The following C1RL variants were observed in gnomAD, a reference collection of about 807,000 sequenced individuals.
C1RL encodes the protein complement C1r subcomponent-like protein.
A neutral mutation model predicts 27.9 loss-of-function variants in C1RL; 27 were observed. The ratio of observed to expected loss-of-function variants is 0.97; its 90% CI spans 0.71 to 1.33. C1RL has a LOEUF of 1.33. C1RL is among the 40% of genes most tolerant of loss of function. The pLI is 0.00. For missense variants in C1RL, 563 were observed against 623.9 expected, an observed-to-expected ratio of 0.90 and a Z score of 1.04; for synonymous variants, 248 against 252.1, an observed-to-expected ratio of 0.98 and a Z score of 0.15.
In C1RL at chr12:7,106,937, G is replaced by A. The variant is rs182273419; in HGVS notation, c.300+1314C>T. ...TGGCAGAATGAGGAGGGGAAATGTG[G>A]GTGGTGAAGACTGAAGACAGATAAA... On this transcript the variant is annotated intron_variant, in intron 2 of 5. Transcript: ENST00000266542. 9.6e-4 allele frequency among the ~76,000 whole-genome samples: 146 copies of A among 152,262 alleles called. 5 individuals are homozygous for A. The highest frequency in any genetic ancestry group is 3.4e-3 in the Middle Eastern group (1 of 294).
Position 7,095,583 on chromosome 12 carries a change from C to G in C1RL, c.*808G>C. ...TTAGGAAAGTGTGAGCTAGAGGATA[C>G]CATTTTCGCAGAAGCAGGAATTCCC... On this transcript the variant is annotated 3_prime_UTR_variant, in exon 6 of 6. Coordinates refer to ENST00000266542, the MANE Select transcript of C1RL (RefSeq NM_016546.4). 1.0e-6 allele frequency: 1 copy of G among 985,758 alleles called. No individual in the cohort carries two copies. Among genetic ancestry groups the G allele is most frequent in the Non-Finnish European group, 1.2e-6 (1 of 830,194 alleles). 61.1% of individuals were successfully genotyped at this position (985,758 alleles called of 1,614,324 possible).
At chr12:7,108,956 A>G (rs993800616) in intron 1 of C1RL, 154 bp downstream of exon 1, 2 of 491,998 alleles carry the variant, frequency 4.1e-6, no homozygotes, top group Non-Finnish European at 7.4e-6. Context: ...TGGTGTGTGT[A>G]TGTGGGGGAG....
Position 7,109,126 on chromosome 12 carries a change from CT to C in C1RL, c.54del (p.Gly19AlafsTer34). 6.3e-7 allele frequency: 1 copy of C among 1,596,066 alleles called. No homozygotes were observed. The highest frequency in any genetic ancestry group is 1.7e-5 in the Admixed American group (1 of 57,760). ...GKYLWRSPHSKGCPGAMWWLL... is the reference protein window; with the variant it reads ...GKYLWRSPHSXGCPGAMWWLL... Reference sequence around the variant, plus strand: ...CACACTCACATTGCGCCTGGACAGCCTTTGGAGTGAGGGCTTCTCCAGAGAT... The same window carrying C: ...CACACTCACATTGCGCCTGGACAGCCTTGGAGTGAGGGCTTCTCCAGAGAT... On this transcript the variant is annotated frameshift_variant, in exon 1 of 6. Coordinates refer to ENST00000266542, the MANE Select transcript of C1RL (RefSeq NM_016546.4). LOFTEE classifies it high-confidence loss of function.
At chr12:7,097,714 G>A (rs1278038749) in intron 5 of C1RL, among the ~76,000 whole-genome samples, 1 of 152,208 alleles carries the variant, frequency 6.6e-6, no homozygotes, top group African/African-American at 2.4e-5. Flanking sequence ...AGGGTAGGGA[G>A]CACAGATGAG....
At chr12:7,108,052 A>C (rs1316794607) in intron 2 of C1RL, 199 bp downstream of exon 2, 18 of 464,324 alleles carry the variant, frequency 3.9e-5, no homozygotes, top group Non-Finnish European at 5.7e-5. Context: ...TGTGGGGCCC[A>C]GATGGCAGCC....
At position 7,102,085 on chromosome 12, in the gene C1RL, G is replaced by C; in HGVS notation, c.303C>G (p.Ile101Met). Residue 101 changes from isoleucine (I) to methionine (M), a missense_variant and splice_region_variant, in exon 3 of 6, where the codon ATC becomes ATG. By Grantham distance (10) the Ile-to-Met change is conservative (BLOSUM62 1). Transcript: ENST00000266542. ...GGCTTGGATCCGAACCGACGAATGA[G>C]ATCTGAAAGCGGGAGGAGGAGTGAG... ...SQDCAGDSVT[I>M]SFVGSDPSQF... is the part of the protein sequence containing the mutation. The C allele has an allele frequency of 6.2e-7, 1 of 1,602,020 alleles. No homozygotes were observed. Among genetic ancestry groups the C allele is most frequent in the Non-Finnish European group, 8.5e-7 (1 of 1,169,866 alleles).
chr12:7,100,086 G>A, intron 3 of C1RL, 60 bp from the exon 4 acceptor site: 1 of 1,523,874 alleles, frequency 6.6e-7, no homozygotes. Context: ...GCTGATTCTG[G>A]CCCATGGCTA....
In C1RL at chr12:7,104,367, G is replaced by C. The variant is rs1469102463; in HGVS notation, c.301-2280C>G. ...AGGCCCCGCGGCACACTTGATAGAG[G>C]GGGCGAAGGCCAGTGCAGCAGGTCC... On this transcript the variant is annotated intron_variant, in intron 2 of 5. Coordinates refer to ENST00000266542, the MANE Select transcript of C1RL (RefSeq NM_016546.4). The surrounding 1 kb of genome is among the most constrained non-coding windows in gnomAD (Gnocchi z 5.4). Among the ~76,000 whole-genome samples, 5 of 152,192 alleles carry C rather than the reference G, an allele frequency of 3.3e-5. No individual in the cohort carries two copies. Among genetic ancestry groups the C allele is most frequent in the African/African-American group, 1.2e-4 (5 of 41,444 alleles).
intron 2 of C1RL, 60 bp from the exon 3 acceptor site, chr12:7,102,147 C>T (rs1938646829): frequency 6.6e-7 from 1 of 1,521,496 alleles, no homozygotes; most frequent in Non-Finnish European, 9.0e-7. Context: ...GCGCTGCTGG[C>T]ATCACAGGGG....
Position 7,097,167 on chromosome 12 carries a change from G to T in C1RL, c.692-4C>A. ...GGGGTGACTGGCCGTCCGCAGACTG[G>T]GAGAGAGGCGGGGTAGGGGTGACAG... On this transcript the variant is annotated splice_region_variant and splice_polypyrimidine_tract_variant and intron_variant, in intron 5 of 5. Coordinates refer to ENST00000266542, the MANE Select transcript of C1RL (RefSeq NM_016546.4). The T allele has an allele frequency of 6.3e-7, 1 of 1,593,868 alleles. No homozygotes were observed.
chr12:7,095,898 T>C lies in C1RL; in HGVS notation c.*493A>G. 1.0e-6 allele frequency: 1 copy of C among 984,774 alleles called. No individual in the cohort carries two copies. The highest frequency in any genetic ancestry group is 1.2e-6 in the Non-Finnish European group (1 of 829,144). 61.0% of individuals were successfully genotyped at this position (984,774 alleles called of 1,614,324 possible). A position where few individuals can be genotyped will look rare whatever the true frequency, so the allele number is the denominator to read the frequency against. On this transcript the variant is annotated 3_prime_UTR_variant, in exon 6 of 6. Coordinates refer to ENST00000266542, the MANE Select transcript of C1RL (RefSeq NM_016546.4). ...TAAAATAAAAAAGGAGCTGTTTCTA[T>C]AATTGCATCTTGGAGCTGCAGAATA...
Position 7,102,050 on chromosome 12 carries a change from C to T in C1RL, c.338G>A (p.Gly113Asp). The change falls in exon 3 of 6, where the codon GGT becomes GAT. Residue 113 changes from glycine to aspartate, a missense_variant. Coordinates refer to ENST00000266542, the MANE Select transcript of C1RL (RefSeq NM_016546.4). The part of the protein sequence containing the change: ...FVGSDPSQFC[G>D]QQGSPLGRPP... ...CCTGCCCAGAGGGGAGCCTTGCTGA[C>T]CACAGAACTGGCTTGGATCCGAACC... The T allele has an allele frequency of 1.9e-6, 3 of 1,613,294 alleles. No individual in the cohort carries two copies. Among genetic ancestry groups the T allele is most frequent in the South Asian group, 2.2e-5 (2 of 91,068 alleles).
At chr12:7,099,781 G>A in intron 4 of C1RL, 21 bp from the exon 5 acceptor site, 4 of 1,601,768 alleles carry the variant, frequency 2.5e-6, no homozygotes, top group Non-Finnish European at 2.6e-6. Flanking sequence ...AATGAGGAGA[G>A]GCAAAGAAAT....
In C1RL at chr12:7,096,298, C is replaced by A; in HGVS notation, c.*93G>T. ...CCCTGCCTCCCCCAACCCCCCACCC[C>A]CAACCCCTACCCCAGTGTTCAGTCC... On this transcript the variant is annotated 3_prime_UTR_variant, in exon 6 of 6. Transcript: ENST00000266542. 2 of 1,213,192 alleles carry A rather than the reference C, an allele frequency of 1.6e-6. No homozygotes were observed. Among genetic ancestry groups the A allele is most frequent in the East Asian group, 7.2e-5 (2 of 27,790 alleles). The allele number at this position is 1,213,192 out of a possible 1,614,324, so 75.2% of individuals were successfully genotyped here.
At position 7,096,627 on chromosome 12, in the gene C1RL, G is replaced by A; in HGVS notation, c.1228C>T (p.Gln410Ter). 6.2e-7 allele frequency: 1 copy of A among 1,614,130 alleles called. No individual in the cohort carries two copies. The highest frequency in any genetic ancestry group is 8.5e-7 in the Non-Finnish European group (1 of 1,180,028). Residue 410 changes from glutamine to a stop codon, truncating the protein, a stop_gained, in exon 6 of 6, where the codon CAG becomes TAG. Coordinates refer to ENST00000266542, the MANE Select transcript of C1RL (RefSeq NM_016546.4). LOFTEE classifies it low-confidence loss of function (END_TRUNC). Reference sequence around the variant, plus strand: ...TTGTCAGAAAACACCTCGGGTCTCTGTCTCTTTTGGAGCCAGGCGTTGCAG... The same window carrying A: ...TTGTCAGAAAACACCTCGGGTCTCTATCTCTTTTGGAGCCAGGCGTTGCAG... The part of the protein sequence containing the change: ...EACNAWLQKR[Q>*]RPEVFSDNMF...
In C1RL at chr12:7,097,000, G is replaced by A; in HGVS notation, c.855C>T (p.Ile285=). 1 of 1,614,194 alleles carries A rather than the reference G, an allele frequency of 6.2e-7. No individual in the cohort carries two copies. Among genetic ancestry groups the A allele is most frequent in the Non-Finnish European group, 8.5e-7 (1 of 1,180,028 alleles). ...DRWILTAAHT[I]YPKDSVSLRK... ...TGAGAGAAACACTGTCCTTGGGGTA[G>A]ATGGTGTGGGCAGCAGTGAGGATCC... The change falls in exon 6 of 6, where the codon ATC becomes ATT. Residue 285 remains isoleucine, a synonymous_variant. Transcript: ENST00000266542.
At position 7,095,333 on chromosome 12, in the gene C1RL, C is replaced by T; in HGVS notation, c.*1058G>A. ...GTTTCACCATGTTGGCCAGGATGGG[C>T]TGGATCTCCTGACCTCGTGATCCAC... On this transcript the variant is annotated 3_prime_UTR_variant, in exon 6 of 6. Transcript: ENST00000266542. 1 of 937,846 alleles carries T rather than the reference C, an allele frequency of 1.1e-6. No homozygotes were observed. Among genetic ancestry groups the T allele is most frequent in the African/African-American group, 1.8e-5 (1 of 55,424 alleles). The allele number at this position is 937,846 out of a possible 1,614,324, so 58.1% of individuals were successfully genotyped here. A position where few individuals can be genotyped will look rare whatever the true frequency, so the allele number is the denominator to read the frequency against.
Position 7,108,333 on chromosome 12 carries a change from G to A in C1RL, c.218C>T (p.Ala73Val), listed in dbSNP as rs1024784263. ...GAGCCTCACAGCAAAGCCCTCTGGA[G>A]CCTTGATGTCCGTGCTGCTCTCTTG... ...KGQESSTDIK[A>V]PEGFAVRLVF... Residue 73 changes from alanine (A) to valine (V), a missense_variant, in exon 2 of 6, where the codon GCT becomes GTT. Physicochemically the swap from Ala to Val is moderately conservative, Grantham distance 64. Coordinates refer to ENST00000266542, the MANE Select transcript of C1RL (RefSeq NM_016546.4). 6.2e-7 allele frequency: 1 copy of A among 1,614,266 alleles called. No homozygotes were observed. The highest frequency in any genetic ancestry group is 8.5e-7 in the Non-Finnish European group (1 of 1,180,046).
chr12:7,096,301 AC>A lies in C1RL; in HGVS notation c.*89del. ...TGCCTCCCCCAACCCCCCACCCCCAACCCCTACCCCAGTGTTCAGTCCTCAC... is the reference window on the plus strand; with the variant it reads ...TGCCTCCCCCAACCCCCCACCCCCAACCCTACCCCAGTGTTCAGTCCTCAC... On this transcript the variant is annotated 3_prime_UTR_variant, in exon 6 of 6. Transcript: ENST00000266542. 1.0e-5 allele frequency: 3 copies of A among 285,988 alleles called. No homozygotes were observed. Among genetic ancestry groups the A allele is most frequent in the Non-Finnish European group, 1.5e-5 (3 of 201,794 alleles). 17.7% of individuals were successfully genotyped at this position (285,988 alleles called of 1,614,324 possible). A position where few individuals can be genotyped will look rare whatever the true frequency, so the allele number is the denominator to read the frequency against.
Sources: gnomAD v4.1 joint callset for allele counts (sites outside exome capture counted in the v4.1 genomes callset) on GRCh38, gnomAD v4.1.1 for gene constraint, Gnocchi (gnomAD v3.1) non-coding constraint, MANE v1.5 for transcripts, NCBI Gene and HGNC (gene_info 2026-07-23, HGNC 2026-07-21) for gene names.